Variants in PIP4K2A observed in about 807,000 individuals in gnomAD.
The protein encoded by PIP4K2A is phosphatidylinositol 5-phosphate 4-kinase type-2 alpha.
PIP4K2A carries 14 observed loss-of-function variants against 42.9 expected under a neutral mutation model. That is an observed-to-expected ratio of 0.33 (90% CI 0.22 to 0.51). The LOEUF (loss-of-function observed/expected upper bound fraction) is 0.51, where lower values mean the gene tolerates loss of function less well. Among genes scored for constraint, PIP4K2A ranks in the 20% least tolerant of loss-of-function variants. PIP4K2A has a pLI of 0.97. For synonymous variants in PIP4K2A, 192 were observed against 192.2 expected, an observed-to-expected ratio of 1.00 and a Z score of 0.01; for missense variants, 434 against 519.8, an observed-to-expected ratio of 0.83 and a Z score of 1.61.
At chr10:22,539,425 T>A (rs1836027332) in intron 9 of PIP4K2A, 1 of 153,546 alleles carries the variant, frequency 6.5e-6, no homozygotes, top group African/African-American at 2.4e-5. Context: ...ACTTTGATTT[T>A]GCACTCAAGA....
Position 22,580,371 on chromosome 10 carries a change from T to C in PIP4K2A, c.493-6914A>G, listed in dbSNP as rs1837240035. ...TGCTTCAAAAACAGCAAGAAGAGGC[T>C]GGGCATAGTGGCTCATGCCTGCAGT... On this transcript the variant is annotated intron_variant, in intron 4 of 9. Coordinates refer to ENST00000376573, the MANE Select transcript of PIP4K2A (RefSeq NM_005028.5). Among the ~76,000 whole-genome samples the C allele has an allele frequency of 1.3e-5, 2 of 151,984 alleles. 1 individual carries two copies. Among genetic ancestry groups the C allele is most frequent in the South Asian group, 4.1e-4 (2 of 4,834 alleles).
chr10:22,624,199 C>A (rs557295346), intron 1 of PIP4K2A, among the ~76,000 whole-genome samples: 1 of 152,292 alleles, frequency 6.6e-6, no homozygotes, highest in African/African-American at 2.4e-5. Context: ...TAATGATTAA[C>A]ATGTAGAAGC....
chr10:22,560,274 G>A (rs77263277), intron 6 of PIP4K2A, among the ~76,000 whole-genome samples: 1,801 of 152,248 alleles, frequency 0.012, 33 homozygotes, highest in African/African-American at 0.038. Flanking sequence ...CTTCTTAGCT[G>A]AGCGGCAAAT....
At chr10:22,567,491 G>A (rs927029046) in intron 6 of PIP4K2A, 13 of 469,698 alleles carry the variant, frequency 2.8e-5, no homozygotes, top group African/African-American at 2.6e-4. Context: ...TGATATCGGT[G>A]AAGCAGTGTT....
chr10:22,546,609 C>T (rs1340949842), intron 7 of PIP4K2A, among the ~76,000 whole-genome samples: 1 of 152,106 alleles, frequency 6.6e-6, no homozygotes, highest in Admixed American at 6.5e-5. Flanking sequence ...TGGGGTCTCA[C>T]TATGTTGCCC....
chr10:22,566,139 C>T (rs959979561), intron 6 of PIP4K2A, among the ~76,000 whole-genome samples: 2 of 152,164 alleles, frequency 1.3e-5, no homozygotes, highest in Non-Finnish European at 2.9e-5. Context: ...CCTATTCACA[C>T]ACTCCCTCCC....
At chr10:22,571,295 G>A (rs944170807) in intron 5 of PIP4K2A, among the ~76,000 whole-genome samples, 17 of 152,192 alleles carry the variant, frequency 1.1e-4, no homozygotes, top group Non-Finnish European at 2.5e-4. Flanking sequence ...ATGCTGGGGT[G>A]CTTGCTACAT....
intron 4 of PIP4K2A, among the ~76,000 whole-genome samples, chr10:22,588,754 A>G (rs956748839): frequency 6.6e-6 from 1 of 152,212 alleles, no homozygotes; most frequent in African/African-American, 2.4e-5. Flanking sequence ...CCTTTAAATA[A>G]TTTATATTAA....
intron 4 of PIP4K2A, among the ~76,000 whole-genome samples, chr10:22,580,805 G>A (rs1588640360): frequency 6.6e-6 from 1 of 152,198 alleles, no homozygotes; most frequent in South Asian, 2.1e-4. Context: ...GTGGCTACAA[G>A]GCAATCCTTC....
intron 1 of PIP4K2A, among the ~76,000 whole-genome samples, chr10:22,671,362 T>C (rs1038165760): frequency 2.6e-5 from 4 of 152,172 alleles, no homozygotes; most frequent in African/African-American, 9.7e-5. Context: ...GTACACCTGA[T>C]GAATTTTTAA....
In PIP4K2A at chr10:22,591,428, C is replaced by A. The variant is rs553010158; in HGVS notation, c.492+201G>T. On this transcript the variant is annotated intron_variant, in intron 4 of 9. Transcript: ENST00000376573. ...AAAGTGTTATACAAATAATGAATGA[C>A]CTTTATAGCACAAGCATGCCTAAAG... Among the ~76,000 whole-genome samples, 12 of 152,302 alleles carry A rather than the reference C, an allele frequency of 7.9e-5. No homozygotes were observed. In the Middle Eastern group the frequency reaches 0.024, roughly 302 times the overall value.
chr10:22,705,041 GCTT>G (rs979562050), intron 1 of PIP4K2A, among the ~76,000 whole-genome samples: 2 of 152,054 alleles, frequency 1.3e-5, no homozygotes, highest in Non-Finnish European at 2.9e-5. Flanking sequence ...GAAGCTGACG[GCTT>G]CTATTTGTTC....
intron 1 of PIP4K2A, among the ~76,000 whole-genome samples, chr10:22,610,973 G>A (rs1838021578): frequency 6.6e-6 from 1 of 151,966 alleles, no homozygotes; most frequent in African/African-American, 2.4e-5. Context: ...TAGTTACTAA[G>A]ATGATCAGAT....
At chr10:22,640,776 A>ACTT (rs1838767198) in intron 1 of PIP4K2A, among the ~76,000 whole-genome samples, 15 of 152,352 alleles carry the variant, frequency 9.8e-5, no homozygotes, top group Admixed American at 9.8e-4. Context: ...GTATTCCCTA[A>ACTT]TGCAAAGTGG....
In PIP4K2A at chr10:22,578,562, T is replaced by C. The variant is rs138214273; in HGVS notation, c.493-5105A>G. Among the ~76,000 whole-genome samples, 49 of 152,306 alleles carry C rather than the reference T, an allele frequency of 3.2e-4. 1 individual carries two copies. The highest frequency in any genetic ancestry group is 1.2e-3 in the African/African-American group (49 of 41,572). ...GCTCTTTGGCCAATGCTTCCTCCTC[T>C]ACATGCCCATTGTCAGGGCCCTGAC... On this transcript the variant is annotated intron_variant, in intron 4 of 9. Transcript: ENST00000376573.
chr10:22,681,491 C>G (rs116528671), intron 1 of PIP4K2A, among the ~76,000 whole-genome samples: 12 of 152,094 alleles, frequency 7.9e-5, no homozygotes, highest in Admixed American at 2.0e-4. Context: ...CTTGGCAACA[C>G]AGTGAGACCT....
At chr10:22,664,231 A>G (rs1189847953) in intron 1 of PIP4K2A, among the ~76,000 whole-genome samples, 1 of 101,304 alleles carries the variant, frequency 9.9e-6, no homozygotes, top group East Asian at 2.3e-4. Context: ...ATATATATAC[A>G]CACACACACA....
intron 1 of PIP4K2A, among the ~76,000 whole-genome samples, chr10:22,625,405 T>C (rs1771625179): frequency 6.6e-6 from 1 of 152,242 alleles, no homozygotes; most frequent in South Asian, 2.1e-4. Context: ...TTAAAATGTA[T>C]AGAACATTAA....
intron 7 of PIP4K2A, among the ~76,000 whole-genome samples, chr10:22,546,699 C>A (rs938242093): frequency 6.6e-6 from 1 of 152,140 alleles, no homozygotes; most frequent in East Asian, 1.9e-4. Context: ...GCATGAGCCA[C>A]CACAACAGGC....
Sources: allele counts gnomAD v4.1 joint callset (sites outside exome capture counted in the v4.1 genomes callset), GRCh38; gene constraint gnomAD v4.1.1; transcripts MANE v1.5; gene names NCBI Gene and HGNC (gene_info 2026-07-23, HGNC 2026-07-21).